PHIP: variants seen among roughly 807,000 people sequenced by gnomAD.
PHIP encodes the protein PH-interacting protein.
In PHIP, 54 loss-of-function variants were observed where a neutral mutation model predicts 236.8. The observed-to-expected ratio is 0.23, with a 90% confidence interval of 0.18 to 0.29. The LOEUF (loss-of-function observed/expected upper bound fraction) is 0.29, where lower values mean the gene tolerates loss of function less well. Among genes scored for constraint, PHIP ranks in the 10% least tolerant of loss-of-function variants. The pLI, the probability that PHIP is intolerant of heterozygous loss-of-function variation, is 1.00. For synonymous variants in PHIP, 756 were observed against 718.9 expected, an observed-to-expected ratio of 1.05 and a Z score of -0.83; for missense variants, 1,370 against 2,190.8, an observed-to-expected ratio of 0.63 and a Z score of 7.48.
intron 24 of PHIP, among the ~76,000 whole-genome samples, chr6:78,976,828 A>G (rs1768112535): frequency 7.6e-6 from 1 of 132,148 alleles, no homozygotes; most frequent in Admixed American, 7.9e-5. Context: ...ACAATGAGAT[A>G]CCATCTCACA....
At chr6:79,075,300 T>C (rs1336806188) in intron 4 of PHIP, among the ~76,000 whole-genome samples, 1 of 152,090 alleles carries the variant, frequency 6.6e-6, no homozygotes, top group Non-Finnish European at 1.5e-5. Flanking sequence ...AAATGGTACC[T>C]TGCATCCAGT....
At chr6:79,042,454 G>T (rs1288336088) in intron 7 of PHIP, among the ~76,000 whole-genome samples, 1 of 151,830 alleles carries the variant, frequency 6.6e-6, no homozygotes, top group Non-Finnish European at 1.5e-5. Context: ...ATATAAAAAG[G>T]TATATTCAAT....
chr6:79,036,215 A>G (rs1771925703), intron 7 of PHIP, among the ~76,000 whole-genome samples: 1 of 152,238 alleles, frequency 6.6e-6, no homozygotes, highest in Non-Finnish European at 1.5e-5. Context: ...CATATTGAAA[A>G]GTAGAAACTG....
intron 17 of PHIP, among the ~76,000 whole-genome samples, chr6:79,001,674 T>C (rs1305200896): frequency 2.0e-5 from 3 of 152,096 alleles, no homozygotes; most frequent in Non-Finnish European, 2.9e-5. Flanking sequence ...TATTGATCCC[T>C]AGGGGTTACA....
chr6:78,982,047 C>T (rs746385644), intron 23 of PHIP, among the ~76,000 whole-genome samples: 2 of 151,976 alleles, frequency 1.3e-5, no homozygotes, highest in East Asian at 1.9e-4. Context: ...AAAGACCCTA[C>T]GGTCTCCTAC....
chr6:78,991,994 C>T (rs1357114931), intron 19 of PHIP, among the ~76,000 whole-genome samples: 3 of 146,294 alleles, frequency 2.1e-5, no homozygotes, highest in African/African-American at 7.6e-5. Context: ...GATGGAGTCT[C>T]GCTGTCGCCC....
At chr6:79,014,863 G>C (rs1224227596) in intron 15 of PHIP, among the ~76,000 whole-genome samples, 1 of 151,706 alleles carries the variant, frequency 6.6e-6, no homozygotes, top group African/African-American at 2.4e-5. Flanking sequence ...AACTGTATCA[G>C]TTATCACAAT....
At chr6:78,972,855 G>C (rs1467469923) in intron 24 of PHIP, among the ~76,000 whole-genome samples, 2 of 152,156 alleles carry the variant, frequency 1.3e-5, no homozygotes, top group Admixed American at 1.3e-4. Context: ...AATGAGCAAA[G>C]CCTCCAAGAA....
intron 9 of PHIP, among the ~76,000 whole-genome samples, chr6:79,025,306 GA>G (rs34111968): frequency 6.6e-6 from 1 of 151,370 alleles, no homozygotes; most frequent in Non-Finnish European, 1.5e-5. Flanking sequence ...AGGATAAAGA[GA>G]AAAAAAATGT....
chr6:78,963,451 A>ATTCTCTAAATAATTAC (rs1370408588), intron 29 of PHIP, among the ~76,000 whole-genome samples, 199 bp from the exon 30 acceptor site: 1 of 152,216 alleles, frequency 6.6e-6, no homozygotes. Context: ...ACTATAAGTA[A>ATTCTCTAAATAATTAC]TTCTCTAAAT....
intron 10 of PHIP, among the ~76,000 whole-genome samples, chr6:79,018,030 C>T (rs908232737): frequency 6.6e-5 from 10 of 151,870 alleles, no homozygotes; most frequent in African/African-American, 2.4e-4. Flanking sequence ...CTTCAGAACT[C>T]CCCTAAGACT....
chr6:79,032,633 C>A (rs1364849841), intron 7 of PHIP, among the ~76,000 whole-genome samples: 1 of 152,084 alleles, frequency 6.6e-6, no homozygotes, highest in Admixed American at 6.6e-5. Context: ...TTTTAGTTAT[C>A]TTGCTATTGC....
chr6:78,965,059 A>G (rs544945726), intron 29 of PHIP, among the ~76,000 whole-genome samples: 1 of 152,288 alleles, frequency 6.6e-6, no homozygotes, highest in African/African-American at 2.4e-5. Context: ...TCACTGCCTA[A>G]GGCTAATTAT....
intron 32 of PHIP, 85 bp downstream of exon 32, chr6:78,958,390 A>AT: frequency 1.1e-6 from 1 of 891,382 alleles, no homozygotes; most frequent in South Asian, 1.6e-5. Context: ...TCTTCTTTAC[A>AT]AACAGTATGT....
rs1391690574 is a variant in PHIP, at chr6:78,958,596, C to G, written c.3661G>C (p.Val1221Leu). ...CGAACTTCCCACATTAGGGAAGAAA[C>G]CCGCCTTAAAAAAACAAAATATAGA... ...QRLENRFYRR[V>L]SSLMWEVRYI... The change falls in exon 32 of 40, where the codon GTT becomes CTT. Residue 1221 changes from valine to leucine, a missense_variant. Coordinates refer to ENST00000275034, the MANE Select transcript of PHIP (RefSeq NM_017934.7). 6.4e-7 allele frequency: 1 copy of G among 1,558,536 alleles called. No homozygotes were observed. The highest frequency in any genetic ancestry group is 8.8e-7 in the Non-Finnish European group (1 of 1,137,218).
chr6:78,959,352 A>C (rs1175480703), intron 31 of PHIP, among the ~76,000 whole-genome samples: 1 of 152,164 alleles, frequency 6.6e-6, no homozygotes, highest in East Asian at 1.9e-4. Context: ...ATAGAAACAT[A>C]AAGAAAAACT....
chr6:78,989,585 T>C (rs1310398133), intron 20 of PHIP, among the ~76,000 whole-genome samples: 1 of 152,224 alleles, frequency 6.6e-6, no homozygotes, highest in Non-Finnish European at 1.5e-5. Flanking sequence ...AATAACTGGT[T>C]ATTCCAGTTT....
intron 24 of PHIP, among the ~76,000 whole-genome samples, chr6:78,974,682 A>G (rs557428731): frequency 6.6e-6 from 1 of 152,366 alleles, no homozygotes; most frequent in East Asian, 1.9e-4. Flanking sequence ...AAAAAATGAT[A>G]AAGGGGATAT....
At chr6:78,983,178 T>C in intron 22 of PHIP, 61 bp from the exon 23 acceptor site, 1 of 846,614 alleles carries the variant, frequency 1.2e-6, no homozygotes, top group South Asian at 2.3e-5. Context: ...ACTTGTTTTA[T>C]AAAAACGAAA....
Sources: gnomAD v4.1 joint callset for allele counts (sites outside exome capture counted in the v4.1 genomes callset) on GRCh38, gnomAD v4.1.1 for gene constraint, MANE v1.5 for transcripts, NCBI Gene and HGNC (gene_info 2026-07-23, HGNC 2026-07-21) for gene names.